MPPE1: variants seen among roughly 807,000 people sequenced by gnomAD.
The protein encoded by MPPE1 is metallophosphoesterase 1.
In MPPE1, 28 loss-of-function variants were observed where a neutral mutation model predicts 43.8. That is an observed-to-expected ratio of 0.64 (90% CI 0.47 to 0.88). The LOEUF (loss-of-function observed/expected upper bound fraction) is 0.88, where lower values mean the gene tolerates loss of function less well. MPPE1 is among the 40% of genes least tolerant of loss of function. MPPE1 has a pLI of 0.00. For synonymous variants in MPPE1, 159 were observed against 188.5 expected (o/e 0.84, Z 1.28); for missense variants, 428 against 492.2 (o/e 0.87, Z 1.23).
chr18:11,887,954 T>A (rs763013748), intron 6 of MPPE1, among the ~76,000 whole-genome samples: 17 of 152,174 alleles, frequency 1.1e-4, no homozygotes, highest in Admixed American at 2.0e-4. Flanking sequence ...CCTGCAGACC[T>A]GCTGTGTCCA....
chr18:11,896,773 G>A (rs894535447), intron 3 of MPPE1, among the ~76,000 whole-genome samples: 18 of 152,182 alleles, frequency 1.2e-4, no homozygotes, highest in Admixed American at 3.3e-4. Flanking sequence ...GTCACAAAGC[G>A]ATGTGGCCCA....
At chr18:11,889,807 C>T (rs1479812642) in intron 4 of MPPE1, among the ~76,000 whole-genome samples, 3 of 151,966 alleles carry the variant, frequency 2.0e-5, no homozygotes, top group Non-Finnish European at 2.9e-5. Context: ...CTCCTGACCT[C>T]GTGATCCGCC....
chr18:11,882,795 T>C lies in MPPE1; in HGVS notation c.*1650A>G, dbSNP rs641010. On this transcript the variant is annotated 3_prime_UTR_variant, in exon 11 of 11. Transcript: ENST00000588072. ...AAGAAGAAACATTACAAAACCTTAA[T>C]CTGAAGTATAAAGTCAAAAGATACG... 0.74 allele frequency: 111,661 copies of C among 151,888 alleles called. 41,800 individuals are homozygous for C. Among genetic ancestry groups the C allele is most frequent in the Middle Eastern group, 0.84 (246 of 294 alleles). 9.4% of individuals were successfully genotyped at this position (151,888 alleles called of 1,614,324 possible). A position where few individuals can be genotyped will look rare whatever the true frequency, so the allele number is the denominator to read the frequency against.
At chr18:11,900,650 G>A (rs555449686) in intron 2 of MPPE1, among the ~76,000 whole-genome samples, 18 of 152,194 alleles carry the variant, frequency 1.2e-4, no homozygotes, top group Non-Finnish European at 2.1e-4. Context: ...GCTCACACCT[G>A]TAATCCCAGC....
intron 2 of MPPE1, among the ~76,000 whole-genome samples, chr18:11,897,790 G>A (rs1467125245): frequency 6.6e-6 from 1 of 152,104 alleles, no homozygotes; most frequent in Admixed American, 6.5e-5. Flanking sequence ...TGTTGCTTTT[G>A]GTGTTAATTC....
intron 3 of MPPE1, among the ~76,000 whole-genome samples, 154 bp from the exon 4 acceptor site, chr18:11,893,730 A>G (rs2038262899): frequency 6.6e-6 from 1 of 152,188 alleles, no homozygotes; most frequent in African/African-American, 2.4e-5. Flanking sequence ...TGAAGGGCCA[A>G]AGAGTCCATA....
chr18:11,891,135 A>C (rs1443337188), intron 4 of MPPE1: 1 of 152,258 alleles, frequency 6.6e-6, no homozygotes, highest in Non-Finnish European at 1.5e-5. Flanking sequence ...TGCTGGATAG[A>C]GTCCTTGAAT....
At chr18:11,901,050 T>C (rs1446301695) in intron 2 of MPPE1, among the ~76,000 whole-genome samples, 1 of 152,102 alleles carries the variant, frequency 6.6e-6, no homozygotes, top group Non-Finnish European at 1.5e-5. Flanking sequence ...TTCTCATAAG[T>C]ATTCTAATGG....
intron 10 of MPPE1, 96 bp from the exon 11 acceptor site, chr18:11,884,723 C>A: frequency 7.2e-7 from 1 of 1,395,366 alleles, no homozygotes; most frequent in Non-Finnish European, 9.8e-7. Flanking sequence ...CTTCTCAGGT[C>A]CCCCTCAGGT....
chr18:11,899,042 GGATTACAGGT>G (rs2038877581), intron 2 of MPPE1, among the ~76,000 whole-genome samples: 1 of 151,782 alleles, frequency 6.6e-6, no homozygotes, highest in African/African-American at 2.4e-5. Flanking sequence ...CGAGTAGCTG[GGATTACAGGT>G]GTGTGCCACC....
chr18:11,886,795 A>C lies in MPPE1; in HGVS notation c.679-17T>G. The stretch of plus-strand genomic sequence containing the variant: ...GCCACGTGCCTGCTGGGTACAAGTC[A>C]GGCCATTAATCCGCACACCTGACCC... On this transcript the variant is annotated splice_polypyrimidine_tract_variant and intron_variant, in intron 7 of 10. Transcript: ENST00000588072. The surrounding 1 kb of genome is among the most constrained non-coding windows in gnomAD (Gnocchi z 4.1). The C allele has an allele frequency of 6.2e-7, 1 of 1,610,408 alleles. No individual in the cohort carries two copies. The highest frequency in any genetic ancestry group is 8.5e-7 in the Non-Finnish European group (1 of 1,178,262).
In MPPE1 at chr18:11,886,954, A is replaced by T; in HGVS notation, c.641T>A (p.Leu214His). ...GTTCAGTCTGTGAGAAACTTCAATG[A>T]GCTCTGCTTCTGTTTCAGAGCAGAT... ...CGICSETEAELIEVSHRLNCS... is the reference protein window; with the variant it reads ...CGICSETEAEHIEVSHRLNCS... Residue 214 changes from leucine (L) to histidine (H), a missense_variant, in exon 7 of 11, where the codon CTC becomes CAC. Leu to His is a moderately conservative substitution (Grantham distance 99). Transcript: ENST00000588072. The surrounding 1 kb of genome is among the most constrained non-coding windows in gnomAD (Gnocchi z 4.1). 1 of 1,613,684 alleles carries T rather than the reference A, an allele frequency of 6.2e-7. No individual in the cohort carries two copies. Among genetic ancestry groups the T allele is most frequent in the Non-Finnish European group, 8.5e-7 (1 of 1,179,788 alleles).
intron 3 of MPPE1, among the ~76,000 whole-genome samples, chr18:11,894,681 C>T (rs2038398160): frequency 6.7e-6 from 1 of 149,704 alleles, no homozygotes; most frequent in African/African-American, 2.5e-5. Context: ...ACCTCTGCCT[C>T]CCCGTTTCAA....
chr18:11,898,397 G>GGAT (rs1420117405), intron 2 of MPPE1, among the ~76,000 whole-genome samples: 2 of 151,998 alleles, frequency 1.3e-5, no homozygotes, highest in Non-Finnish European at 2.9e-5. Context: ...TTTGAAGCAA[G>GGAT]GATGATGATA....
chr18:11,894,882 C>T (rs1290482065), intron 3 of MPPE1, among the ~76,000 whole-genome samples: 1 of 152,180 alleles, frequency 6.6e-6, no homozygotes, highest in Non-Finnish European at 1.5e-5. Context: ...TGAGCCACCA[C>T]ACCCGGCCGG....
intron 2 of MPPE1, among the ~76,000 whole-genome samples, chr18:11,900,629 C>A (rs1338137184): frequency 2.6e-5 from 4 of 151,884 alleles, no homozygotes; most frequent in Middle Eastern, 3.2e-3. Flanking sequence ...AAAAATAAGC[C>A]AGGCACAGTG....
Position 11,908,308 on chromosome 18 carries a change from C to G in MPPE1, c.-307G>C, listed in dbSNP as rs11557426. 6.6e-6 allele frequency: 1 copy of G among 152,258 alleles called. No homozygotes were observed. Among genetic ancestry groups the G allele is most frequent in the African/African-American group, 2.4e-5 (1 of 41,462 alleles). 9.4% of individuals were successfully genotyped at this position (152,258 alleles called of 1,614,324 possible). On this transcript the variant is annotated 5_prime_UTR_variant, in exon 1 of 11. Coordinates refer to ENST00000588072, the MANE Select transcript of MPPE1 (RefSeq NM_023075.6). Reference sequence around the variant, plus strand: ...GGGTGGCTTCGGTGGCCGAGGGACCCGGGAACTGCAGCCGGAGCCGGCGCG... The same window carrying G: ...GGGTGGCTTCGGTGGCCGAGGGACCGGGGAACTGCAGCCGGAGCCGGCGCG...
chr18:11,890,222 G>T (rs9955178), intron 4 of MPPE1, among the ~76,000 whole-genome samples: 4 of 151,980 alleles, frequency 2.6e-5, no homozygotes, highest in Admixed American at 2.0e-4. Context: ...GATTACAGGC[G>T]TGAGCCACCA....
rs1191210180 is a variant in MPPE1, at chr18:11,904,607, C to T, written c.-93+1596G>A. On this transcript the variant is annotated intron_variant, in intron 2 of 10. Coordinates refer to ENST00000588072, the MANE Select transcript of MPPE1 (RefSeq NM_023075.6). ...ATACTGGGATTACAGACATGAGCCACTGCGCCCAGCCCAACATGATCATTT... is the reference window on the plus strand; with the variant it reads ...ATACTGGGATTACAGACATGAGCCATTGCGCCCAGCCCAACATGATCATTT... 3.3e-5 allele frequency among the ~76,000 whole-genome samples: 5 copies of T among 152,204 alleles called. No homozygotes were observed. In the East Asian group the frequency reaches 9.6e-4, roughly 29 times the overall value.
Sources: allele counts gnomAD v4.1 joint callset (sites outside exome capture counted in the v4.1 genomes callset), GRCh38; gene constraint gnomAD v4.1.1; non-coding constraint Gnocchi (gnomAD v3.1); transcripts MANE v1.5; gene names NCBI Gene and HGNC (gene_info 2026-07-23, HGNC 2026-07-21).